LRP12: variants seen among roughly 807,000 people sequenced by gnomAD.
The protein encoded by LRP12 is LDL receptor related protein 12.
In LRP12, 14 loss-of-function variants were observed where a neutral mutation model predicts 66.0. The ratio of observed to expected loss-of-function variants is 0.21; its 90% confidence interval spans 0.14 to 0.33. The LOEUF (loss-of-function observed/expected upper bound fraction) is 0.33. Ranked by LOEUF, LRP12 falls within the 10% of genes least tolerant of loss-of-function variation. LRP12 has a pLI of 1.00. For missense variants in LRP12, 889 were observed against 1,053.4 expected, an observed-to-expected ratio of 0.84 and a Z score of 2.16; for synonymous variants, 357 against 359.1, an observed-to-expected ratio of 0.99 and a Z score of 0.07.
intron 6 of LRP12, among the ~76,000 whole-genome samples, chr8:104,492,805 T>G (rs1810658622): frequency 6.6e-6 from 1 of 151,614 alleles, no homozygotes; most frequent in Non-Finnish European, 1.5e-5. Flanking sequence ...GCTATACAGA[T>G]GAGTAAGAGT....
chr8:104,498,098 T>C (rs16871500), intron 4 of LRP12, 22 bp from the exon 5 acceptor site: 60 of 1,540,656 alleles, frequency 3.9e-5, no homozygotes, highest in Middle Eastern at 1.7e-4. Context: ...TGAGTAGAAA[T>C]AGATGGAAAG....
intron 1 of LRP12, among the ~76,000 whole-genome samples, chr8:104,540,560 ATTGAT>A (rs1811461045): frequency 6.6e-6 from 1 of 152,120 alleles, no homozygotes; most frequent in African/African-American, 2.4e-5. Context: ...TATTTTCCTG[ATTGAT>A]TTAATTACTG....
intron 1 of LRP12, among the ~76,000 whole-genome samples, chr8:104,564,806 G>A (rs1811971624): frequency 2.0e-5 from 3 of 151,896 alleles, no homozygotes; most frequent in African/African-American, 7.2e-5. Context: ...GGTGGCACAC[G>A]CCTGTAGTCC....
At position 104,548,331 on chromosome 8, in the gene LRP12, TTATATAAATATATAAA is replaced by T. The variant is rs1339569321; in HGVS notation, c.80-16384_80-16369del. Among the ~76,000 whole-genome samples, 15 of 8,624 alleles carry T rather than the reference TTATATAAATATATAAA, an allele frequency of 1.7e-3. 2 individuals are homozygous for T. The African/African-American group carries it at 0.019, about 11-fold the overall frequency. 5.7% of individuals were successfully genotyped at this position (8,624 alleles called of 152,430 possible). A position where few individuals can be genotyped will look rare whatever the true frequency, so the allele number is the denominator to read the frequency against. On this transcript the variant is annotated intron_variant, in intron 1 of 6. Transcript: ENST00000276654. ...ATATTATATAAATATATAATATATA[TTATATAAATATATAAA>T]TATATAATATATATTATATAAATAT...
At position 104,531,698 on chromosome 8, in the gene LRP12, G is replaced by A. The variant is rs76449772; in HGVS notation, c.136+209C>T. Among the ~76,000 whole-genome samples the A allele has an allele frequency of 6.0e-3, 914 of 152,128 alleles. 9 individuals carry two copies. Among genetic ancestry groups the A allele is most frequent in the Admixed American group, 0.012 (189 of 15,252 alleles). On this transcript the variant is annotated intron_variant, in intron 2 of 6. Transcript: ENST00000276654. ...AAAAAATAATTATGCAGTCCGTTTG[G>A]AAAAGTATAATCAATCCATGGGCAT...
intron 1 of LRP12, among the ~76,000 whole-genome samples, chr8:104,563,362 T>G (rs1190786324): frequency 6.6e-6 from 1 of 152,136 alleles, no homozygotes; most frequent in Non-Finnish European, 1.5e-5. Flanking sequence ...AAACTTCAGA[T>G]ATGGTAAATA....
At position 104,575,032 on chromosome 8, in the gene LRP12, G is replaced by C. The variant is rs547468729; in HGVS notation, c.79+13787C>G. 2.0e-5 allele frequency among the ~76,000 whole-genome samples: 3 copies of C among 152,208 alleles called. 1 individual carries two copies. The East Asian group carries it at 5.8e-4, about 29-fold the overall frequency. ...TGGAGAAAGAAATAAGGCAGGCAGA[G>C]GGAACAGCGTGTATAAAGACTGGAA... is the stretch of plus-strand genomic sequence containing the variant. On this transcript the variant is annotated intron_variant, in intron 1 of 6. Coordinates refer to ENST00000276654, the MANE Select transcript of LRP12 (RefSeq NM_013437.5).
rs775781908 is a variant in LRP12, at chr8:104,497,906, C to T, written c.646G>A (p.Ala216Thr). Residue 216 changes from alanine to threonine, a missense_variant, in exon 5 of 7, where the codon GCT (alanine) becomes ACT (threonine). This residue lies in a region of LRP12 where 800 missense variants were observed against 964.5 expected (regional missense o/e 0.83). Coordinates refer to ENST00000276654, the MANE Select transcript of LRP12 (RefSeq NM_013437.5). The surrounding 1 kb of genome is among the most constrained non-coding windows in gnomAD (Gnocchi z 4.3). ...PPTAAAFQPCAYNQFQCLSRF... is the reference protein window; with the variant it reads ...PPTAAAFQPCTYNQFQCLSRF... ...GATAAACACTGGAACTGGTTGTAAGCACAGGGTTGAAAAGCAGCAGCAGTT... is the reference window on the plus strand; with the variant it reads ...GATAAACACTGGAACTGGTTGTAAGTACAGGGTTGAAAAGCAGCAGCAGTT... 2 of 1,614,040 alleles carry T rather than the reference C, an allele frequency of 1.2e-6. No individual in the cohort carries two copies. The highest frequency in any genetic ancestry group is 1.7e-5 in the Admixed American group (1 of 59,990).
chr8:104,547,438 A>G (rs911661189), intron 1 of LRP12, among the ~76,000 whole-genome samples: 1 of 134,838 alleles, frequency 7.4e-6, no homozygotes, highest in Non-Finnish European at 1.5e-5. Context: ...CAATTCTGTT[A>G]TATTTTGTAT....
chr8:104,497,058 G>A lies in LRP12; in HGVS notation c.1494C>T (p.Val498=). The change falls in exon 5 of 7, where the codon GTC becomes GTT. Residue 498 remains valine (V), a synonymous_variant. Transcript: ENST00000276654. The surrounding 1 kb of genome is among the most constrained non-coding windows in gnomAD (Gnocchi z 4.3). ...IVPTRVITAA[V]IGSLICGLLL... Reference sequence around the variant, plus strand: ...ACAGGCCACAGATGAGGCTCCCTATGACGGCAGCAGTGATGACTCTTGTAG... The same window carrying A: ...ACAGGCCACAGATGAGGCTCCCTATAACGGCAGCAGTGATGACTCTTGTAG... The A allele has an allele frequency of 6.2e-7, 1 of 1,609,410 alleles. No individual in the cohort carries two copies. Among genetic ancestry groups the A allele is most frequent in the Admixed American group, 1.7e-5 (1 of 59,546 alleles).
intron 1 of LRP12, among the ~76,000 whole-genome samples, chr8:104,560,841 T>C (rs1406255345): frequency 6.6e-6 from 1 of 152,206 alleles, no homozygotes; most frequent in Non-Finnish European, 1.5e-5. Context: ...GTTGTTGCGC[T>C]TAAGTCTCTC....
intron 1 of LRP12, among the ~76,000 whole-genome samples, chr8:104,573,383 A>T (rs1812112033): frequency 6.6e-6 from 1 of 151,892 alleles, no homozygotes; most frequent in Non-Finnish European, 1.5e-5. Flanking sequence ...TAGCATCTCC[A>T]TTTTACCTCC....
chr8:104,548,174 A>ATATAATATATTAATATTAATATACATAT (rs1564141824), intron 1 of LRP12, among the ~76,000 whole-genome samples: 2 of 99,120 alleles, frequency 2.0e-5, no homozygotes, highest in African/African-American at 9.3e-5. Flanking sequence ...TATATATAAT[A>ATATAATATATTAATATTAATATACATAT]TAATATATAA....
chr8:104,527,340 T>C (rs1174271593), intron 2 of LRP12, among the ~76,000 whole-genome samples: 18 of 148,802 alleles, frequency 1.2e-4, no homozygotes, highest in African/African-American at 1.5e-4. Flanking sequence ...GGGTATATAC[T>C]CAAAGGACTA....
intron 2 of LRP12, among the ~76,000 whole-genome samples, chr8:104,520,366 T>C (rs781025767): frequency 3.3e-5 from 5 of 152,084 alleles, no homozygotes; most frequent in Admixed American, 6.6e-5. Context: ...AAGCTACTAC[T>C]ATTTCCCAAA....
At chr8:104,545,775 T>A (rs1285881578) in intron 1 of LRP12, among the ~76,000 whole-genome samples, 1 of 152,210 alleles carries the variant, frequency 6.6e-6, no homozygotes, top group Non-Finnish European at 1.5e-5. Context: ...ACTCACTTTA[T>A]TGTGACATTC....
rs750140989 is a variant in LRP12, at chr8:104,499,295, T to C, written c.475+22A>G. ...TAATACCATAAAATTCAGTTCAATA[T>C]CTTTCTTATTTAAAAACACACCTGA... On this transcript the variant is annotated intron_variant, in intron 4 of 6. Coordinates refer to ENST00000276654, the MANE Select transcript of LRP12 (RefSeq NM_013437.5). The C allele has an allele frequency of 8.2e-6, 13 of 1,587,146 alleles. No homozygotes were observed. The South Asian group carries it at 8.9e-5, about 11-fold the overall frequency.
chr8:104,527,887 C>T (rs1234697065), intron 2 of LRP12, among the ~76,000 whole-genome samples: 2 of 152,054 alleles, frequency 1.3e-5, no homozygotes, highest in African/African-American at 4.8e-5. Flanking sequence ...ACATTTACTT[C>T]TGCTATTAAG....
At chr8:104,493,162 A>G (rs1348556677) in intron 6 of LRP12, among the ~76,000 whole-genome samples, 1 of 152,216 alleles carries the variant, frequency 6.6e-6, no homozygotes, top group Non-Finnish European at 1.5e-5. Context: ...AGGGGATCTC[A>G]CGAATGTTCT....
Sources: gnomAD v4.1 joint callset for allele counts (sites outside exome capture counted in the v4.1 genomes callset) on GRCh38, gnomAD v4.1.1 for gene constraint, gnomAD v4.1.1 regional missense constraint, Gnocchi (gnomAD v3.1) non-coding constraint, MANE v1.5 for transcripts, NCBI Gene and HGNC (gene_info 2026-07-23, HGNC 2026-07-21) for gene names.